LGALS9: variants seen among roughly 807,000 people sequenced by gnomAD.
LGALS9 encodes galectin 9.
A neutral mutation model predicts 35.9 loss-of-function variants in LGALS9; 26 were observed. That is an observed-to-expected ratio of 0.72 (90% CI 0.53 to 1.01). LGALS9 has a LOEUF of 1.01. Among genes scored for constraint, LGALS9 ranks in the 50% least tolerant of loss-of-function variants. LGALS9 has a pLI of 0.00. For synonymous variants in LGALS9, 149 were observed against 172.2 expected (o/e 0.87, Z 1.06); for missense variants, 347 against 445.8 (o/e 0.78, Z 1.99).
At chr17:27,646,705 C>A in intron 8 of LGALS9, 117 bp downstream of exon 8, 2 of 1,524,626 alleles carry the variant, frequency 1.3e-6, no homozygotes, top group Non-Finnish European at 9.1e-7. Flanking sequence ...ATTTGTTAAG[C>A]TGAAGGGCTT....
chr17:27,641,105 A>G (rs1003579919), intron 3 of LGALS9: 20 of 500,970 alleles, frequency 4.0e-5, no homozygotes, highest in Non-Finnish European at 5.8e-5. Context: ...CACTGGTAAC[A>G]TTTATTTTTC....
chr17:27,637,955 T>G (rs1219588512), intron 1 of LGALS9, among the ~76,000 whole-genome samples: 1 of 152,016 alleles, frequency 6.6e-6, no homozygotes, highest in African/African-American at 2.4e-5. Context: ...TTCTGCCTGG[T>G]GCATTCCTGC....
In LGALS9 at chr17:27,631,312, C is replaced by G; in HGVS notation, c.39+8C>G. On this transcript the variant is annotated splice_region_variant and intron_variant, in intron 1 of 10. Coordinates refer to ENST00000395473, the MANE Select transcript of LGALS9 (RefSeq NM_009587.3). ...GCTCCCTACCTGAGTCCAGTGAGTT[C>G]CAGGGCTATGGGCACAGGGCTGCCT... The G allele has an allele frequency of 1.2e-6, 2 of 1,614,130 alleles. No individual in the cohort carries two copies. The highest frequency in any genetic ancestry group is 1.7e-6 in the Non-Finnish European group (2 of 1,180,016).
chr17:27,642,907 TAA>T (rs1904629605), intron 4 of LGALS9, among the ~76,000 whole-genome samples: 1 of 152,130 alleles, frequency 6.6e-6, no homozygotes, highest in Non-Finnish European at 1.5e-5. Flanking sequence ...TGCCAACATC[TAA>T]AAGGTCAGGA....
Position 27,631,219 on chromosome 17 carries a change from T to G in LGALS9, c.-47T>G, listed in dbSNP as rs1223803864. The G allele has an allele frequency of 2.5e-6, 4 of 1,613,820 alleles. No homozygotes were observed. The highest frequency in any genetic ancestry group is 3.3e-5 in the Admixed American group (2 of 59,992). On this transcript the variant is annotated 5_prime_UTR_variant, in exon 1 of 11. Transcript: ENST00000395473. Reference sequence around the variant, plus strand: ...TAAGTCGTTCCCTCTACAAAGGACTTCCTAGTGGGTGTGAAAGGCAGCGGT... The same window carrying G: ...TAAGTCGTTCCCTCTACAAAGGACTGCCTAGTGGGTGTGAAAGGCAGCGGT...
In LGALS9 at chr17:27,640,778, G is replaced by C. The variant is rs1262934110; in HGVS notation, c.333+5G>C. Reference sequence around the variant, plus strand: ...GTGCAGAGCTCAGATTTCAAGGTGAGCAAGAATCCCCTCCCCACCTCTCAC... The same window carrying C: ...GTGCAGAGCTCAGATTTCAAGGTGACCAAGAATCCCCTCCCCACCTCTCAC... On this transcript the variant is annotated splice_donor_5th_base_variant and intron_variant, in intron 3 of 10. Coordinates refer to ENST00000395473, the MANE Select transcript of LGALS9 (RefSeq NM_009587.3). 6.2e-7 allele frequency: 1 copy of C among 1,613,810 alleles called. No individual in the cohort carries two copies. Among genetic ancestry groups the C allele is most frequent in the African/African-American group, 1.3e-5 (1 of 74,922 alleles).
chr17:27,632,819 C>A (rs892014348), intron 1 of LGALS9, among the ~76,000 whole-genome samples: 3 of 152,222 alleles, frequency 2.0e-5, no homozygotes, highest in Non-Finnish European at 1.5e-5. Flanking sequence ...CCCTCTACCC[C>A]ACGGGGGCTC....
At chr17:27,643,748 C>T in intron 5 of LGALS9, 128 bp downstream of exon 5, 5 of 1,411,918 alleles carry the variant, frequency 3.5e-6, no homozygotes, top group Non-Finnish European at 4.7e-6. Flanking sequence ...CAAGAGTTCC[C>T]TGTCTCTGTC....
rs1357263463 is a variant in LGALS9 at position 27,646,577 on chromosome 17, C to T, written c.658C>T (p.His220Tyr). ...TPAIPPMMYP[H>Y]PAYPMPFITT... The stretch of plus-strand genomic sequence containing the variant: ...CGCCATCCCACCTATGATGTACCCC[C>T]ACCCCGCCTATGTAAGTGGTTTCTC... Residue 220 changes from histidine (H) to tyrosine (Y), a missense_variant, in exon 8 of 11, where the codon CAC becomes TAC. Physicochemically the swap from His to Tyr is moderately conservative, Grantham distance 83. Coordinates refer to ENST00000395473, the MANE Select transcript of LGALS9 (RefSeq NM_009587.3). 2 of 1,612,408 alleles carry T rather than the reference C, an allele frequency of 1.2e-6. No individual in the cohort carries two copies. The highest frequency in any genetic ancestry group is 1.7e-6 in the Non-Finnish European group (2 of 1,179,938).
chr17:27,646,787 CA>C (rs1308045841), intron 8 of LGALS9, among the ~76,000 whole-genome samples, 199 bp downstream of exon 8: 4 of 152,222 alleles, frequency 2.6e-5, no homozygotes, highest in African/African-American at 9.6e-5. Flanking sequence ...TCAATATGAG[CA>C]CATTGCATGT....
intron 8 of LGALS9, 116 bp downstream of exon 8, chr17:27,646,704 G>C: frequency 6.5e-7 from 1 of 1,527,628 alleles, no homozygotes; most frequent in Non-Finnish European, 9.0e-7. Flanking sequence ...CATTTGTTAA[G>C]CTGAAGGGCT....
intron 2 of LGALS9, 39 bp from the exon 3 acceptor site, chr17:27,640,533 T>C (rs770638997): frequency 2.1e-5 from 34 of 1,613,320 alleles, no homozygotes; most frequent in Non-Finnish European, 2.0e-5. Context: ...CTGGCAATAA[T>C]CCATGCCACA....
Position 27,643,313 on chromosome 17 carries a change from GGT to G in LGALS9, c.445-211_445-210del, listed in dbSNP as rs1297799391. The stretch of plus-strand genomic sequence containing the variant: ...TTCCCTGACTCTCTCCCCTGCGGGT[GGT>G]AGGGGAGGGAAGAGCTGGAGGGAGA... On this transcript the variant is annotated intron_variant, in intron 4 of 10. Transcript: ENST00000395473. Among the ~76,000 whole-genome samples the G allele has an allele frequency of 2.6e-3, 397 of 152,274 alleles. 8 individuals are homozygous for G. Among genetic ancestry groups the G allele is most frequent in the African/African-American group, 8.9e-3 (370 of 41,556 alleles).
At chr17:27,633,240 G>C (rs1351069124) in intron 1 of LGALS9, among the ~76,000 whole-genome samples, 1 of 152,236 alleles carries the variant, frequency 6.6e-6, no homozygotes, top group African/African-American at 2.4e-5. Flanking sequence ...ATCTGTAAAA[G>C]TGGCCGGGGT....
chr17:27,649,106 A>G lies in LGALS9; in HGVS notation c.*124A>G. 2 of 1,474,266 alleles carry G rather than the reference A, an allele frequency of 1.4e-6. No individual in the cohort carries two copies. Among genetic ancestry groups the G allele is most frequent in the Non-Finnish European group, 1.9e-6 (2 of 1,077,130 alleles). The allele number at this position is 1,474,266 out of a possible 1,614,324, so 91.3% of individuals were successfully genotyped here. On this transcript the variant is annotated 3_prime_UTR_variant, in exon 11 of 11. Transcript: ENST00000395473. ...GGATCTGGGCTTTAATGCAGAGGCC[A>G]TGTCCTTGTCTGGTCCTGCTTCTGG...
chr17:27,634,468 G>A (rs563651297), intron 1 of LGALS9, among the ~76,000 whole-genome samples: 7 of 152,262 alleles, frequency 4.6e-5, no homozygotes, highest in South Asian at 2.1e-4. Context: ...GGAGGGTCAC[G>A]TGAGCCTGAG....
intron 3 of LGALS9, 74 bp from the exon 4 acceptor site, chr17:27,642,164 G>T: frequency 1.3e-6 from 2 of 1,562,904 alleles, no homozygotes; most frequent in Non-Finnish European, 1.7e-6. Flanking sequence ...CTAGAAAGAG[G>T]GTCCAGGAGC....
chr17:27,647,938 C>T (rs139905858), intron 10 of LGALS9, among the ~76,000 whole-genome samples: 1 of 152,222 alleles, frequency 6.6e-6, no homozygotes, highest in Non-Finnish European at 1.5e-5. Context: ...TGAGATAGAG[C>T]GAGCCTGGGA....
Position 27,640,778 on chromosome 17 carries a change from G to A in LGALS9, c.333+5G>A, listed in dbSNP as rs1262934110. ...GTGCAGAGCTCAGATTTCAAGGTGA[G>A]CAAGAATCCCCTCCCCACCTCTCAC... On this transcript the variant is annotated splice_donor_5th_base_variant and intron_variant, in intron 3 of 10. Transcript: ENST00000395473. 6.2e-7 allele frequency: 1 copy of A among 1,613,810 alleles called. No homozygotes were observed. Among genetic ancestry groups the A allele is most frequent in the Admixed American group, 1.7e-5 (1 of 60,000 alleles).
Sources: gnomAD v4.1 joint callset for allele counts (sites outside exome capture counted in the v4.1 genomes callset) on GRCh38, gnomAD v4.1.1 for gene constraint, MANE v1.5 for transcripts, NCBI Gene and HGNC (gene_info 2026-07-23, HGNC 2026-07-21) for gene names.